The following ASIC2 variants were observed in gnomAD, a reference collection of about 807,000 sequenced individuals.
ASIC2 encodes the protein acid sensing ion channel subunit 2.
A neutral mutation model predicts 57.3 loss-of-function variants in ASIC2; 25 were observed. The observed-to-expected ratio is 0.44, with a 90% CI of 0.32 to 0.61. The LOEUF (loss-of-function observed/expected upper bound fraction) is 0.61, where lower values mean the gene tolerates loss of function less well. Among genes scored for constraint, ASIC2 ranks in the 20% least tolerant of loss-of-function variants. The pLI is 0.06. For synonymous variants in ASIC2, 319 were observed against 307.5 expected (o/e 1.04, Z -0.39); for missense variants, 641 against 738.1 (o/e 0.87, Z 1.52).
intron 1 of ASIC2, among the ~76,000 whole-genome samples, chr17:33,574,541 A>G (rs60356618): frequency 0.058 from 8,766 of 152,276 alleles, 504 homozygotes; most frequent in East Asian, 0.3. Context: ...TCTACTCACT[A>G]CATGACAGTA....
At chr17:33,980,379 C>T (rs1905569786) in intron 1 of ASIC2, among the ~76,000 whole-genome samples, 2 of 152,244 alleles carry the variant, frequency 1.3e-5, no homozygotes, top group African/African-American at 4.8e-5. Context: ...CCCAGATGAG[C>T]TTAGACACTT....
At chr17:33,489,835 G>A (rs967747524) in intron 1 of ASIC2, among the ~76,000 whole-genome samples, 2 of 152,126 alleles carry the variant, frequency 1.3e-5, no homozygotes, top group Non-Finnish European at 2.9e-5. Flanking sequence ...TGGGAATTTG[G>A]GCCCCTTTAT....
chr17:33,764,984 C>A (rs564767491), intron 1 of ASIC2, among the ~76,000 whole-genome samples: 40 of 152,048 alleles, frequency 2.6e-4, no homozygotes, highest in Non-Finnish European at 5.1e-4. Context: ...CCTATCTAGC[C>A]ATCATCATCC....
At chr17:33,465,539 G>T (rs1213925195) in intron 1 of ASIC2, among the ~76,000 whole-genome samples, 2 of 151,834 alleles carry the variant, frequency 1.3e-5, no homozygotes, top group African/African-American at 2.4e-5. Context: ...ACACCCAGGT[G>T]AATTTTGTAT....
chr17:33,884,327 C>T (rs537810858), intron 1 of ASIC2, among the ~76,000 whole-genome samples: 49 of 152,294 alleles, frequency 3.2e-4, no homozygotes, highest in Non-Finnish European at 3.7e-4. Flanking sequence ...GCTCTGGGAA[C>T]GCCATTTCCC....
intron 1 of ASIC2, among the ~76,000 whole-genome samples, chr17:33,433,420 G>A (rs1911487458): frequency 6.6e-6 from 1 of 152,192 alleles, no homozygotes; most frequent in Non-Finnish European, 1.5e-5. Context: ...TTGGAGGAGG[G>A]AGAGGATCAG....
At chr17:33,729,656 T>C (rs1280340815) in intron 1 of ASIC2, among the ~76,000 whole-genome samples, 1 of 152,174 alleles carries the variant, frequency 6.6e-6, no homozygotes, top group Admixed American at 6.5e-5. Flanking sequence ...CTTAAACTGC[T>C]TTTGCTTTAA....
intron 1 of ASIC2, among the ~76,000 whole-genome samples, chr17:34,116,436 C>T (rs1253758047): frequency 6.6e-6 from 1 of 152,182 alleles, no homozygotes; most frequent in Admixed American, 6.5e-5. Flanking sequence ...GAAAACCCTG[C>T]TCTGAGTAAA....
chr17:33,291,628 G>A lies in ASIC2; in HGVS notation c.488C>T (p.Pro163Leu), dbSNP rs1905455886. The part of the protein sequence containing the change: ...YAGHWLGLLL[P>L]NRTARPLVSE... ...GACAAGCGGGCGCGCGGTGCGGTTG[G>A]GCAGCAGCAGCCCGAGCCAGTGGCC... The change falls in exon 1 of 10, where the codon CCC becomes CTC. Residue 163 changes from proline to leucine, a missense_variant. Pro to Leu is a moderately conservative substitution (Grantham distance 98). Around this residue, in one of 3 missense-constraint regions of ASIC2, gnomAD observed 382 missense variants for 398.0 expected, o/e 0.96. Transcript: ENST00000225823. 1.9e-6 allele frequency: 3 copies of A among 1,609,358 alleles called. No individual in the cohort carries two copies. The highest frequency in any genetic ancestry group is 2.5e-6 in the Non-Finnish European group (3 of 1,178,272).
rs1473467995 is a variant in ASIC2 at position 33,625,185 on chromosome 17, C to CATCTAT, written c.556-513119_556-513118insATAGAT. 4.0e-5 allele frequency among the ~76,000 whole-genome samples: 6 copies of CATCTAT among 149,290 alleles called. No homozygotes were observed. The South Asian group carries it at 8.9e-4, about 22-fold the overall frequency. On this transcript the variant is annotated intron_variant, in intron 1 of 9. Transcript: ENST00000359872. The stretch of plus-strand genomic sequence containing the variant: ...TATCTATCTATCTATCATCTATTAT[C>CATCTAT]TATCTATTATCTGTCATCTATCTAT...
intron 1 of ASIC2, among the ~76,000 whole-genome samples, chr17:33,586,241 T>C (rs1904627305): frequency 6.6e-6 from 1 of 151,944 alleles, no homozygotes; most frequent in Non-Finnish European, 1.5e-5. Context: ...TTTCTGGAGC[T>C]TTTTTCTGGA....
chr17:33,998,024 T>A (rs904951359), intron 1 of ASIC2, among the ~76,000 whole-genome samples: 2 of 152,188 alleles, frequency 1.3e-5, no homozygotes, highest in African/African-American at 4.8e-5. Context: ...GGTCCCAGGC[T>A]CTTCTTTGTT....
intron 1 of ASIC2, among the ~76,000 whole-genome samples, chr17:33,481,086 C>G (rs1913388823): frequency 1.3e-5 from 2 of 152,154 alleles, no homozygotes; most frequent in African/African-American, 4.8e-5. Context: ...CTCTCTTGTG[C>G]CTGTCCTGCA....
intron 1 of ASIC2, among the ~76,000 whole-genome samples, chr17:33,994,035 C>A (rs4493111): frequency 2.0e-5 from 3 of 151,850 alleles, no homozygotes; most frequent in African/African-American, 4.8e-5. Context: ...CCCAGAACAG[C>A]GCTCCAAACT....
intron 1 of ASIC2, among the ~76,000 whole-genome samples, chr17:33,750,857 T>C (rs1910408798): frequency 6.6e-6 from 1 of 152,112 alleles, no homozygotes; most frequent in Non-Finnish European, 1.5e-5. Flanking sequence ...AAGGGGGTGA[T>C]TCATCTTTCT....
chr17:33,095,832 G>T (rs1238001193), intron 2 of ASIC2, among the ~76,000 whole-genome samples: 1 of 152,238 alleles, frequency 6.6e-6, no homozygotes, highest in Non-Finnish European at 1.5e-5. Flanking sequence ...TTAATCATGT[G>T]GCTTAATCCC....
intron 1 of ASIC2, among the ~76,000 whole-genome samples, chr17:34,121,676 G>A (rs1368761400): frequency 6.6e-6 from 1 of 152,114 alleles, no homozygotes; most frequent in African/African-American, 2.4e-5. Flanking sequence ...ATTGACAAAG[G>A]AGTCTAAGCT....
chr17:34,036,636 A>T (rs1392307075), intron 1 of ASIC2: 2 of 150,246 alleles, frequency 1.3e-5, no homozygotes, highest in East Asian at 3.9e-4. Context: ...GCATTTTATC[A>T]AGGGCTACTT....
intron 1 of ASIC2, among the ~76,000 whole-genome samples, chr17:33,226,799 T>C (rs1276440125): frequency 6.6e-6 from 1 of 152,144 alleles, no homozygotes; most frequent in African/African-American, 2.4e-5. Context: ...TCTGAGACAG[T>C]GCTGTCCAAT....
Sources: allele counts gnomAD v4.1 joint callset (sites outside exome capture counted in the v4.1 genomes callset), GRCh38; gene constraint gnomAD v4.1.1; regional missense constraint gnomAD v4.1.1; transcripts MANE v1.5; gene names NCBI Gene and HGNC (gene_info 2026-07-23, HGNC 2026-07-21).